Variants in TEC observed in about 807,000 individuals in gnomAD.
TEC encodes the protein tyrosine-protein kinase Tec.
In TEC, 72 loss-of-function variants were observed where a neutral mutation model predicts 93.0. The observed-to-expected ratio is 0.77, with a 90% confidence interval of 0.64 to 0.94. TEC has a LOEUF of 0.94. Among genes scored for constraint, TEC ranks in the 40% least tolerant of loss-of-function variants. The probability of loss-of-function intolerance (pLI) is 0.00; values close to 1 mark genes in which losing one functional copy is unlikely to be tolerated. For missense variants in TEC, 630 were observed against 757.9 expected (o/e 0.83, Z 1.98); for synonymous variants, 249 against 247.7 (o/e 1.01, Z -0.05).
At chr4:48,219,825 G>T (rs2109624605) in intron 2 of TEC, among the ~76,000 whole-genome samples, 1 of 152,150 alleles carries the variant, frequency 6.6e-6, no homozygotes, top group South Asian at 2.1e-4. Flanking sequence ...TGATGGTAGT[G>T]GTCCCCCAGG....
At chr4:48,146,777 G>T (rs1719934520) in intron 11 of TEC, among the ~76,000 whole-genome samples, 1 of 152,052 alleles carries the variant, frequency 6.6e-6, no homozygotes, top group Admixed American at 6.6e-5. Context: ...ATACAAATCG[G>T]GCTCTAGGAT....
intron 2 of TEC, among the ~76,000 whole-genome samples, chr4:48,219,252 C>T (rs750509305): frequency 2.9e-4 from 44 of 152,244 alleles, no homozygotes; most frequent in South Asian, 6.2e-4. Context: ...GCATAAGGAC[C>T]GCTTGAGGGC....
intron 2 of TEC, among the ~76,000 whole-genome samples, chr4:48,194,643 G>A (rs1359066537): frequency 6.6e-6 from 1 of 152,144 alleles, no homozygotes; most frequent in Non-Finnish European, 1.5e-5. Context: ...TAGATGATGA[G>A]AGTTGGGGGG....
At chr4:48,176,008 C>T in intron 3 of TEC, 74 bp downstream of exon 3, 1 of 1,123,246 alleles carries the variant, frequency 8.9e-7, no homozygotes, top group Non-Finnish European at 1.3e-6. Context: ...AAAGCAAGGA[C>T]AGGAAACTGT....
At chr4:48,161,506 G>A (rs963374919) in intron 8 of TEC, among the ~76,000 whole-genome samples, 2 of 151,784 alleles carry the variant, frequency 1.3e-5, no homozygotes, top group African/African-American at 4.8e-5. Flanking sequence ...TGCGGGCCTG[G>A]AAATCCTGAG....
intron 1 of TEC, among the ~76,000 whole-genome samples, chr4:48,237,002 T>G (rs1329607635): frequency 1.3e-5 from 2 of 152,206 alleles, no homozygotes. Context: ...CACAAATATG[T>G]ACAATTATTA....
intron 2 of TEC, among the ~76,000 whole-genome samples, chr4:48,225,168 C>G (rs1374801521): frequency 6.6e-6 from 1 of 151,586 alleles, no homozygotes; most frequent in Non-Finnish European, 1.5e-5. Context: ...TCCTTTTTTT[C>G]TCTTTCTTTT....
chr4:48,148,847 C>G (rs1159135901), intron 11 of TEC, among the ~76,000 whole-genome samples: 1 of 152,128 alleles, frequency 6.6e-6, no homozygotes, highest in Non-Finnish European at 1.5e-5. Flanking sequence ...CCAAAAGATG[C>G]CAGTGTGTGT....
chr4:48,214,953 G>A (rs776154365), intron 2 of TEC, among the ~76,000 whole-genome samples: 4 of 152,034 alleles, frequency 2.6e-5, no homozygotes, highest in Non-Finnish European at 5.9e-5. Context: ...AGGAATTCAA[G>A]ACCAGCCTGA....
intron 2 of TEC, among the ~76,000 whole-genome samples, chr4:48,178,749 A>C (rs556432119): frequency 6.6e-6 from 1 of 152,174 alleles, no homozygotes; most frequent in South Asian, 2.1e-4. Context: ...GGCTTCTCCC[A>C]CCCTGCCTAC....
chr4:48,246,500 C>T (rs935988863), intron 1 of TEC, among the ~76,000 whole-genome samples: 1 of 150,216 alleles, frequency 6.7e-6, no homozygotes, highest in African/African-American at 2.4e-5. Context: ...GGAGGACTCA[C>T]ACTCCCAATT....
At chr4:48,258,795 C>A (rs1288661130) in intron 1 of TEC, among the ~76,000 whole-genome samples, 1 of 152,138 alleles carries the variant, frequency 6.6e-6, no homozygotes, top group Non-Finnish European at 1.5e-5. Context: ...TTATTTAATT[C>A]TCTTTAAGAA....
chr4:48,224,610 T>G (rs1028203729), intron 2 of TEC, among the ~76,000 whole-genome samples: 1 of 152,214 alleles, frequency 6.6e-6, no homozygotes, highest in Non-Finnish European at 1.5e-5. Context: ...TCAGTTCATT[T>G]GGAATATGTG....
At chr4:48,171,966 T>C (rs1055852035) in intron 3 of TEC, among the ~76,000 whole-genome samples, 4 of 152,202 alleles carry the variant, frequency 2.6e-5, no homozygotes, top group Admixed American at 1.3e-4. Flanking sequence ...AATAAAGGCC[T>C]ACCCAGGCCC....
intron 1 of TEC, among the ~76,000 whole-genome samples, chr4:48,235,777 T>TTATATGATATGCCAAG (rs1723766970): frequency 6.6e-6 from 1 of 152,198 alleles, no homozygotes; most frequent in South Asian, 2.1e-4. Context: ...ATCATTATCA[T>TTATATGATATGCCAAG]TATTAAGCTT....
chr4:48,141,508 G>A, intron 14 of TEC, 89 bp from the exon 15 acceptor site: 1 of 1,305,990 alleles, frequency 7.7e-7, no homozygotes, highest in Non-Finnish European at 1.1e-6. Flanking sequence ...TAAATTTAGT[G>A]TAACCTAGTC....
chr4:48,203,038 C>T (rs544116789), intron 2 of TEC, among the ~76,000 whole-genome samples: 1 of 152,242 alleles, frequency 6.6e-6, no homozygotes, highest in South Asian at 2.1e-4. Context: ...TTCTTTAACT[C>T]GGTCTGTCAC....
chr4:48,267,019 G>A (rs2109683459), intron 1 of TEC, among the ~76,000 whole-genome samples: 1 of 152,304 alleles, frequency 6.6e-6, no homozygotes, highest in East Asian at 1.9e-4. Flanking sequence ...GAAGTCAACA[G>A]ATAATGCTTA....
intron 2 of TEC, among the ~76,000 whole-genome samples, chr4:48,190,405 T>C (rs931410640): frequency 3.3e-5 from 5 of 152,190 alleles, no homozygotes; most frequent in East Asian, 1.9e-4. Flanking sequence ...CCAGGTTCAC[T>C]TGGAATTTTA....
Sources: gnomAD v4.1 joint callset for allele counts (sites outside exome capture counted in the v4.1 genomes callset) on GRCh38, gnomAD v4.1.1 for gene constraint, MANE v1.5 for transcripts, NCBI Gene and HGNC (gene_info 2026-07-23, HGNC 2026-07-21) for gene names.